ANGPTL2: variants seen among roughly 807,000 people sequenced by gnomAD.
ANGPTL2 encodes the protein angiopoietin like 2.
ANGPTL2 carries 25 observed loss-of-function variants against 52.8 expected under a neutral mutation model. That is an observed-to-expected ratio of 0.47 (90% CI 0.35 to 0.66). ANGPTL2 has a LOEUF of 0.66. ANGPTL2 is among the 30% of genes least tolerant of loss of function. The pLI is 0.01. For synonymous variants in ANGPTL2, 276 were observed against 277.4 expected, an observed-to-expected ratio of 1.00 and a Z score of 0.05; for missense variants, 546 against 656.9, an observed-to-expected ratio of 0.83 and a Z score of 1.84.
chr9:127,099,493 C>T (rs554555713), intron 2 of ANGPTL2, among the ~76,000 whole-genome samples: 3 of 152,148 alleles, frequency 2.0e-5, no homozygotes, highest in Non-Finnish European at 2.9e-5. Flanking sequence ...TGCCACGGCA[C>T]GTGGCCTGCT....
At chr9:127,117,199 G>A (rs1490291743) in intron 1 of ANGPTL2, among the ~76,000 whole-genome samples, 2 of 152,184 alleles carry the variant, frequency 1.3e-5, no homozygotes, top group Admixed American at 6.5e-5. Context: ...TCCATTCAGT[G>A]AGGTCTTCCC....
At chr9:127,093,690 A>G (rs1367651086) in intron 3 of ANGPTL2, 43 bp downstream of exon 3, 5 of 1,605,510 alleles carry the variant, frequency 3.1e-6, no homozygotes, top group Non-Finnish European at 3.4e-6. Flanking sequence ...GGGGTGGGCC[A>G]GTCACCTTGT....
At chr9:127,112,319 A>G (rs983296469) in intron 1 of ANGPTL2, among the ~76,000 whole-genome samples, 5 of 152,292 alleles carry the variant, frequency 3.3e-5, no homozygotes, top group Admixed American at 3.3e-4. Context: ...CACCCACCCC[A>G]GAACAATGGG....
chr9:127,112,125 C>T (rs2054877041), intron 1 of ANGPTL2, among the ~76,000 whole-genome samples: 1 of 152,186 alleles, frequency 6.6e-6, no homozygotes, highest in African/African-American at 2.4e-5. Context: ...TGACAAAGCC[C>T]AAGCATGATT....
At chr9:127,115,425 C>A (rs2055298496) in intron 1 of ANGPTL2, among the ~76,000 whole-genome samples, 1 of 152,256 alleles carries the variant, frequency 6.6e-6, no homozygotes, top group East Asian at 1.9e-4. Flanking sequence ...ATTAATAGCA[C>A]CCCCTTTTCA....
At chr9:127,115,299 C>T (rs866308917) in intron 1 of ANGPTL2, among the ~76,000 whole-genome samples, 6 of 152,154 alleles carry the variant, frequency 3.9e-5, no homozygotes, top group Non-Finnish European at 7.4e-5. Flanking sequence ...AAGCAGTTCT[C>T]CTGCCTCAAC....
intron 1 of ANGPTL2, among the ~76,000 whole-genome samples, chr9:127,114,463 A>T (rs1158038061): frequency 1.3e-5 from 2 of 152,340 alleles, no homozygotes; most frequent in East Asian, 3.9e-4. Context: ...GAAACCCAAA[A>T]GAGGTTGTTC....
In ANGPTL2 at chr9:127,088,928, G is replaced by T. The variant is rs1351833364; in HGVS notation, c.*11C>A. 1.9e-6 allele frequency: 3 copies of T among 1,614,196 alleles called. No individual in the cohort carries two copies. The South Asian group carries it at 3.3e-5, about 18-fold the overall frequency. On this transcript the variant is annotated 3_prime_UTR_variant, in exon 5 of 5. Transcript: ENST00000373425. ...GGCAATGGCCACGAGAGGTCAGGAG[G>T]GGGAGCTGGCTTAGTGGAAGGTGTT...
intron 1 of ANGPTL2, among the ~76,000 whole-genome samples, chr9:127,112,641 T>A (rs1272986849): frequency 6.6e-6 from 1 of 152,252 alleles, no homozygotes; most frequent in Non-Finnish European, 1.5e-5. Flanking sequence ...AAAGGCTGAG[T>A]CTTTTCTGTG....
At chr9:127,093,031 G>T (rs149098738) in intron 3 of ANGPTL2, among the ~76,000 whole-genome samples, 1 of 152,180 alleles carries the variant, frequency 6.6e-6, no homozygotes, top group East Asian at 1.9e-4. Context: ...GTCCATAACA[G>T]AACCTCCCTC....
intron 2 of ANGPTL2, among the ~76,000 whole-genome samples, chr9:127,097,128 A>G (rs2053218684): frequency 6.6e-6 from 1 of 152,248 alleles, no homozygotes; most frequent in Non-Finnish European, 1.5e-5. Context: ...AAAATAAAAC[A>G]TAAAAATTTA....
rs560465120 is a variant in ANGPTL2 at position 127,104,256 on chromosome 9, T to G, written c.817+3659A>C. ...TCTGACAAAGCCCGTCTGTGGCAGC[T>G]GCTGTTGGCGCTGTCCTTTCCTCCC... On this transcript the variant is annotated intron_variant, in intron 2 of 4. Transcript: ENST00000373425. Among the ~76,000 whole-genome samples the G allele has an allele frequency of 1.7e-3, 265 of 152,354 alleles. 3 individuals are homozygous for G. The highest frequency in any genetic ancestry group is 6.2e-3 in the African/African-American group (259 of 41,590).
intron 2 of ANGPTL2, among the ~76,000 whole-genome samples, chr9:127,098,423 T>C (rs2136697233): frequency 6.6e-6 from 1 of 152,220 alleles, no homozygotes; most frequent in Middle Eastern, 3.4e-3. Context: ...AGACCACATT[T>C]ACATTCTTGG....
intron 1 of ANGPTL2, among the ~76,000 whole-genome samples, chr9:127,114,907 A>G (rs1375801742): frequency 6.6e-6 from 1 of 152,246 alleles, no homozygotes; most frequent in Non-Finnish European, 1.5e-5. Context: ...GAAAACATCA[A>G]CATTAGCTAG....
At chr9:127,118,025 G>T (rs889958116) in intron 1 of ANGPTL2, among the ~76,000 whole-genome samples, 1 of 152,234 alleles carries the variant, frequency 6.6e-6, no homozygotes, top group Non-Finnish European at 1.5e-5. Context: ...CAATAGTTCA[G>T]TTGTGAGAGG....
chr9:127,104,258 C>T (rs1328667525), intron 2 of ANGPTL2, among the ~76,000 whole-genome samples: 1 of 152,208 alleles, frequency 6.6e-6, no homozygotes, highest in African/African-American at 2.4e-5. Flanking sequence ...GTGGCAGCTG[C>T]TGTTGGCGCT....
chr9:127,103,572 A>G (rs11792699), intron 2 of ANGPTL2, among the ~76,000 whole-genome samples: 56,989 of 152,124 alleles, frequency 0.37, 12,508 homozygotes, highest in Non-Finnish European at 0.48. Flanking sequence ...AGTTGGGTCC[A>G]TTTGCTGGGA....
Position 127,093,933 on chromosome 9 carries a change from A to ACACAGACATGCATATACAT in ANGPTL2, c.818-26_818-8dup, listed in dbSNP as rs763024002. 1.2e-6 allele frequency: 2 copies of ACACAGACATGCATATACAT among 1,613,056 alleles called. No individual in the cohort carries two copies. On this transcript the variant is annotated splice_polypyrimidine_tract_variant and splice_region_variant and intron_variant, in intron 2 of 4. Transcript: ENST00000373425. ...AGGCAGTCTCTCCATGGGCCTGGGG[A>ACACAGACATGCATATACAT]CACAGACATGCATATACATCACAGA...
intron 2 of ANGPTL2, among the ~76,000 whole-genome samples, chr9:127,103,195 A>G (rs2053902227): frequency 6.6e-6 from 1 of 152,248 alleles, no homozygotes; most frequent in Non-Finnish European, 1.5e-5. Context: ...GTGCTGGGGA[A>G]CCACAATCGT....
Sources: allele counts gnomAD v4.1 joint callset (sites outside exome capture counted in the v4.1 genomes callset), GRCh38; gene constraint gnomAD v4.1.1; transcripts MANE v1.5; gene names NCBI Gene and HGNC (gene_info 2026-07-23, HGNC 2026-07-21).